FSTL4: variants seen among roughly 807,000 people sequenced by gnomAD.
The protein encoded by FSTL4 is follistatin like 4.
Under a neutral mutation model 78.2 loss-of-function variants are expected in FSTL4, and 28 were observed. The ratio of observed to expected loss-of-function variants is 0.36; its 90% confidence interval spans 0.27 to 0.49. The LOEUF (loss-of-function observed/expected upper bound fraction) is 0.49. Among genes scored for constraint, FSTL4 ranks in the 20% least tolerant of loss-of-function variants. The pLI is 0.98. For missense variants in FSTL4, 922 were observed against 1,084.9 expected (o/e 0.85, Z 2.11); for synonymous variants, 422 against 440.5 (o/e 0.96, Z 0.53).
intron 4 of FSTL4, among the ~76,000 whole-genome samples, chr5:133,316,864 A>T (rs565025629): frequency 6.6e-6 from 1 of 152,246 alleles, no homozygotes; most frequent in South Asian, 2.1e-4. Context: ...CATGCTACAC[A>T]TGATGCAAAT....
chr5:133,755,142 TAC>T, the FSTL4 span, among the ~76,000 whole-genome samples: 1 of 152,114 alleles, frequency 6.6e-6, no homozygotes, highest in African/African-American at 2.4e-5. Flanking sequence ...TTTCCTTCTC[TAC>T]CCATCACTCC....
At chr5:133,504,387 T>C (rs931994804) in intron 3 of FSTL4, among the ~76,000 whole-genome samples, 1 of 152,220 alleles carries the variant, frequency 6.6e-6, no homozygotes, top group African/African-American at 2.4e-5. Context: ...ATTTCTCCTA[T>C]GCCTACCATT....
In FSTL4 at chr5:133,198,988, A is replaced by T. The variant is rs1390064918; in HGVS notation, c.*107T>A. On this transcript the variant is annotated 3_prime_UTR_variant, in exon 16 of 16. Coordinates refer to ENST00000265342, the MANE Select transcript of FSTL4 (RefSeq NM_015082.2). ...GAGACCAGTGTTGAACCACAAAGCG[A>T]GTACAGGTTTTTGCTTTTGTCTGTA... 1 of 640,940 alleles carries T rather than the reference A, an allele frequency of 1.6e-6. No homozygotes were observed. 39.7% of individuals were successfully genotyped at this position (640,940 alleles called of 1,614,324 possible).
At chr5:133,270,354 C>T (rs557989087) in intron 6 of FSTL4, among the ~76,000 whole-genome samples, 41 of 152,254 alleles carry the variant, frequency 2.7e-4, no homozygotes, top group African/African-American at 8.7e-4. Flanking sequence ...TTGCGGAGAG[C>T]GTGTATTAGC....
chr5:133,316,080 C>A (rs2126891594), intron 5 of FSTL4, among the ~76,000 whole-genome samples: 1 of 152,296 alleles, frequency 6.6e-6, no homozygotes, highest in Admixed American at 6.5e-5. Context: ...TACTAAGGAG[C>A]AGTGATGTCC....
the FSTL4 span, among the ~76,000 whole-genome samples, chr5:133,770,086 G>C: frequency 2.6e-5 from 4 of 152,008 alleles, no homozygotes; most frequent in African/African-American, 9.7e-5. Context: ...GGGTGTGTTT[G>C]TGTGTGTGGG....
the FSTL4 span, among the ~76,000 whole-genome samples, chr5:133,703,492 A>G: frequency 2.0e-5 from 3 of 152,174 alleles, no homozygotes; most frequent in Non-Finnish European, 2.9e-5. Flanking sequence ...GCCATTAACG[A>G]TCACTGCAGC....
intron 3 of FSTL4, among the ~76,000 whole-genome samples, chr5:133,540,496 A>G (rs1759443097): frequency 6.6e-6 from 1 of 152,064 alleles, no homozygotes; most frequent in African/African-American, 2.4e-5. Context: ...GGAAGAGTCT[A>G]TGATACCTTG....
chr5:133,552,007 A>C (rs955798719), intron 3 of FSTL4, among the ~76,000 whole-genome samples: 3 of 152,222 alleles, frequency 2.0e-5, no homozygotes, highest in Non-Finnish European at 2.9e-5. Flanking sequence ...ATAAGATAGA[A>C]TGATGGAAGA....
chr5:133,540,246 T>TAC (rs751878256), intron 3 of FSTL4, among the ~76,000 whole-genome samples: 211 of 122,434 alleles, frequency 1.7e-3, no homozygotes, highest in African/African-American at 4.1e-3. Context: ...AACACACACA[T>TAC]ACACACACAC....
chr5:133,488,029 G>A (rs527758594), intron 3 of FSTL4, among the ~76,000 whole-genome samples: 176 of 152,290 alleles, frequency 1.2e-3, no homozygotes, highest in Non-Finnish European at 2.1e-3. Context: ...TTCAAAGAGG[G>A]AAGTGCTCAC....
At chr5:133,761,662 T>C in the FSTL4 span, among the ~76,000 whole-genome samples, 2 of 152,330 alleles carry the variant, frequency 1.3e-5, no homozygotes, top group East Asian at 1.9e-4. Flanking sequence ...AGGGAGGCTC[T>C]ACCCTTTCTT....
chr5:133,360,096 CCCTG>C (rs1755036540), intron 4 of FSTL4, among the ~76,000 whole-genome samples: 1 of 152,264 alleles, frequency 6.6e-6, no homozygotes, highest in Non-Finnish European at 1.5e-5. Context: ...GGCCTCCCTT[CCCTG>C]CAGGGCTGGG....
chr5:133,560,847 G>A (rs908939531), intron 3 of FSTL4, among the ~76,000 whole-genome samples: 2 of 151,516 alleles, frequency 1.3e-5, no homozygotes, highest in Admixed American at 1.3e-4. Flanking sequence ...AGCACTTTGG[G>A]AGGCTGAGGC....
chr5:133,355,803 A>G (rs1187519857), intron 4 of FSTL4, among the ~76,000 whole-genome samples: 3 of 152,194 alleles, frequency 2.0e-5, no homozygotes, highest in African/African-American at 7.2e-5. Flanking sequence ...TTTCAGACTC[A>G]GAATTCTGTT....
At chr5:133,680,831 T>C in the FSTL4 span, among the ~76,000 whole-genome samples, 5 of 152,362 alleles carry the variant, frequency 3.3e-5, no homozygotes, top group South Asian at 8.3e-4. Context: ...GGGGATTCCA[T>C]GTTAATGACT....
At chr5:133,465,749 G>C (rs1442422288) in intron 3 of FSTL4, among the ~76,000 whole-genome samples, 1 of 152,244 alleles carries the variant, frequency 6.6e-6, no homozygotes, top group Non-Finnish European at 1.5e-5. Flanking sequence ...GACTGTGTGA[G>C]CCTGAACAGA....
intron 6 of FSTL4, among the ~76,000 whole-genome samples, chr5:133,307,612 C>T (rs1353169080): frequency 1.3e-5 from 2 of 152,112 alleles, no homozygotes; most frequent in Non-Finnish European, 2.9e-5. Flanking sequence ...CAAGCAAAGT[C>T]ATTCAAATGG....
At chr5:133,530,926 AT>A (rs1273980824) in intron 3 of FSTL4, among the ~76,000 whole-genome samples, 1 of 152,186 alleles carries the variant, frequency 6.6e-6, no homozygotes, top group Non-Finnish European at 1.5e-5. Context: ...AGACTCTGAT[AT>A]GGGATCTTGC....
Sources: gnomAD v4.1 joint callset for allele counts (sites outside exome capture counted in the v4.1 genomes callset) on GRCh38, gnomAD v4.1.1 for gene constraint, MANE v1.5 for transcripts, NCBI Gene and HGNC (gene_info 2026-07-23, HGNC 2026-07-21) for gene names.